Variants in CYREN observed in about 807,000 individuals in gnomAD.
CYREN encodes cell cycle regulator of NHEJ, also known as cell cycle regulator of non-homologous end joining.
Under a neutral mutation model 9.7 loss-of-function variants are expected in CYREN, and 7 were observed. The ratio of observed to expected loss-of-function variants is 0.72; its 90% confidence interval spans 0.41 to 1.36. CYREN has a LOEUF of 1.36. Among genes scored for constraint, CYREN ranks in the 40% most tolerant of loss-of-function variants. CYREN has a pLI of 0.01. For synonymous variants in CYREN, 76 were observed against 77.9 expected, an observed-to-expected ratio of 0.98 and a Z score of 0.13; for missense variants, 215 against 198.1, an observed-to-expected ratio of 1.09 and a Z score of -0.51.
At chr7:135,164,353 G>T, downstream of CYREN, 1 of 1,304,138 alleles carries the variant, frequency 7.7e-7, no homozygotes, top group Non-Finnish European at 1.1e-6. Flanking sequence ...GGGAGAACAT[G>T]AGCTTGTCTG....
At chr7:135,132,927 G>C (rs1003451577) in intron 2 of CYREN, among the ~76,000 whole-genome samples, 3 of 152,088 alleles carry the variant, frequency 2.0e-5, no homozygotes, top group Admixed American at 2.0e-4. Context: ...AGAAGTTCTA[G>C]CCACTGCAAT....
chr7:135,164,611 A>G (rs370353179), downstream of CYREN: 43 of 1,614,110 alleles, frequency 2.7e-5, 1 homozygote, highest in African/African-American at 3.6e-4. Context: ...CTGTGGAATG[A>G]GGACACCAGC....
Position 135,170,644 on chromosome 7 carries a change from C to A in CYREN, c.-139+8G>T, listed in dbSNP as rs1232837818. 6.6e-6 allele frequency: 1 copy of A among 152,292 alleles called. No homozygotes were observed. Among genetic ancestry groups the A allele is most frequent in the Non-Finnish European group, 1.5e-5 (1 of 68,094 alleles). The allele number at this position is 152,292 out of a possible 1,614,324, so 9.4% of individuals were successfully genotyped here. A position where few individuals can be genotyped will look rare whatever the true frequency, so the allele number is the denominator to read the frequency against. On this transcript the variant is annotated splice_region_variant and intron_variant, in intron 1 of 3. Transcript: ENST00000393114. ...AAATTCCAAGCGGTTGTGGGACCCACGCCTCACCCGGAACTTTAAGCCCTG... is the reference window on the plus strand; with the variant it reads ...AAATTCCAAGCGGTTGTGGGACCCAAGCCTCACCCGGAACTTTAAGCCCTG...
intron 2 of CYREN, among the ~76,000 whole-genome samples, chr7:135,111,322 T>C (rs1224362864): frequency 6.6e-6 from 1 of 152,220 alleles, no homozygotes; most frequent in Non-Finnish European, 1.5e-5. Context: ...TTACCTTCAC[T>C]TCCTCACTTG....
chr7:135,128,853 A>G, intron 2 of CYREN: 1 of 1,233,802 alleles, frequency 8.1e-7, no homozygotes, highest in Non-Finnish European at 1.2e-6. Flanking sequence ...ATCATTGTTA[A>G]ATATGATCCA....
In CYREN at chr7:135,166,596, T is replaced by C. The variant is rs767814896; in HGVS notation, c.*15A>G. The C allele has an allele frequency of 4.5e-6, 7 of 1,570,074 alleles. No homozygotes were observed. In the Admixed American group the frequency reaches 1.2e-4, roughly 27 times the overall value. ...CAGCTGCTCTCGGCAGACAGTTCAG[T>C]GCACAGTTTATGCCCTAGCTGAAAA... On this transcript the variant is annotated 3_prime_UTR_variant, in exon 4 of 4. Transcript: ENST00000393114.
intron 2 of CYREN, among the ~76,000 whole-genome samples, chr7:135,119,558 CA>C (rs959003063): frequency 3.1e-4 from 44 of 139,726 alleles, no homozygotes; most frequent in Admixed American, 2.8e-4. Context: ...AAAATGAGAC[CA>C]AAAAAAAAAG....
intron 2 of CYREN, among the ~76,000 whole-genome samples, chr7:135,095,859 A>G (rs1343480357): frequency 6.6e-6 from 1 of 152,138 alleles, no homozygotes; most frequent in East Asian, 1.9e-4. Flanking sequence ...AGTGCTAACA[A>G]TTCATCTTTG....
rs548023862 is a variant in CYREN at position 135,149,997 on chromosome 7, G to C, written n.356+18752C>G. 2.6e-5 allele frequency among the ~76,000 whole-genome samples: 4 copies of C among 152,210 alleles called. No individual in the cohort carries two copies. The South Asian group carries it at 8.3e-4, about 32-fold the overall frequency. ...TCTTTATTTTAGAATAGTTAAACCT[G>C]TGCAATTCTTTATTTGTAGTTTCCA... On this transcript the variant is annotated intron_variant and non_coding_transcript_variant, in intron 2 of 2. Transcript: ENST00000459937.
At chr7:135,098,609 A>AG (rs1213266161) in intron 2 of CYREN, among the ~76,000 whole-genome samples, 1 of 152,192 alleles carries the variant, frequency 6.6e-6, no homozygotes, top group Non-Finnish European at 1.5e-5. Flanking sequence ...GAATGATACC[A>AG]GGAGCAGTGT....
Position 135,129,095 on chromosome 7 carries a change from T to C in CYREN, n.357-34513A>G. 12 of 1,592,188 alleles carry C rather than the reference T, an allele frequency of 7.5e-6. No homozygotes were observed. The South Asian group carries it at 8.8e-5, about 12-fold the overall frequency. On this transcript the variant is annotated intron_variant and non_coding_transcript_variant, in intron 2 of 2. Transcript: ENST00000459937. ...CAAAGTGCCCTTCAGTGGCCACTACTGGTCAGGTCAAAGAGCTAGTGGAAG... is the reference window on the plus strand; with the variant it reads ...CAAAGTGCCCTTCAGTGGCCACTACCGGTCAGGTCAAAGAGCTAGTGGAAG...
chr7:135,168,977 T>A lies in CYREN; in HGVS notation c.-55A>T. 1 of 1,473,054 alleles carries A rather than the reference T, an allele frequency of 6.8e-7. No homozygotes were observed. The highest frequency in any genetic ancestry group is 9.1e-7 in the Non-Finnish European group (1 of 1,103,228). The allele number at this position is 1,473,054 out of a possible 1,614,324, so 91.2% of individuals were successfully genotyped here. On this transcript the variant is annotated 5_prime_UTR_variant, in exon 2 of 4. Transcript: ENST00000393114. ...GGCCCAAGCTTAATGACCTGTTTTT[T>A]AATTCAGGAAGGTAAATCTCGTTCT... is the stretch of plus-strand genomic sequence containing the variant.
At chr7:135,119,678 C>A (rs1254744711) in intron 2 of CYREN, among the ~76,000 whole-genome samples, 1 of 151,948 alleles carries the variant, frequency 6.6e-6, no homozygotes, top group African/African-American at 2.4e-5. Context: ...GAGATCAAGA[C>A]CAACCTGGCT....
intron 2 of CYREN, chr7:135,135,487 T>C: frequency 3.0e-6 from 1 of 332,168 alleles, no homozygotes; most frequent in African/African-American, 2.3e-5. Flanking sequence ...AAAGCAGATA[T>C]TTATATTTAG....
intron 2 of CYREN, chr7:135,135,017 A>C: frequency 6.4e-7 from 1 of 1,551,204 alleles, no homozygotes; most frequent in Non-Finnish European, 8.7e-7. Flanking sequence ...AAGAAGAATA[A>C]ACATTCTCAA....
At chr7:135,117,099 C>A (rs62479722) in intron 2 of CYREN, among the ~76,000 whole-genome samples, 4,139 of 152,212 alleles carry the variant, frequency 0.027, 86 homozygotes, top group Middle Eastern at 0.068. Flanking sequence ...ATTTTTAGTG[C>A]AAAGAATAGG....
rs142707908 is a variant in CYREN, at chr7:135,141,943, C to A, written n.356+26806G>T. On this transcript the variant is annotated intron_variant and non_coding_transcript_variant, in intron 2 of 2. Transcript: ENST00000459937. ...TATGATTTCATTTTTTCTTTAATTT[C>A]TGAGAATTGCTTTATGGCCAAGCAT... Among the ~76,000 whole-genome samples the A allele has an allele frequency of 4.7e-3, 707 of 152,002 alleles. 3 individuals are homozygous for A. The highest frequency in any genetic ancestry group is 0.016 in the African/African-American group (674 of 41,488).
intron 2 of CYREN, chr7:135,115,317 G>T: frequency 9.2e-7 from 1 of 1,088,558 alleles, no homozygotes; most frequent in Non-Finnish European, 1.3e-6. Context: ...ATATAATAAT[G>T]CCCAATAAGT....
intron 2 of CYREN, chr7:135,134,987 T>C (rs1017717921): frequency 6.4e-7 from 1 of 1,551,232 alleles, no homozygotes. Context: ...TTGGAAAGTT[T>C]ATCACCTCTC....
Sources: allele counts gnomAD v4.1 joint callset (sites outside exome capture counted in the v4.1 genomes callset), GRCh38; gene constraint gnomAD v4.1.1; transcripts MANE v1.5; gene names NCBI Gene and HGNC (gene_info 2026-07-23, HGNC 2026-07-21).